NRG1: variants seen among roughly 807,000 people sequenced by gnomAD.
NRG1 encodes pro-neuregulin-1, membrane-bound isoform.
In NRG1, 18 loss-of-function variants were observed where a neutral mutation model predicts 63.8. The ratio of observed to expected loss-of-function variants is 0.28; its 90% CI spans 0.19 to 0.42. NRG1 has a LOEUF of 0.42. Among genes scored for constraint, NRG1 ranks in the 10% least tolerant of loss-of-function variants. NRG1 has a pLI of 1.00. For synonymous variants in NRG1, 302 were observed against 301.3 expected, an observed-to-expected ratio of 1.00 and a Z score of -0.02; for missense variants, 762 against 814.7, an observed-to-expected ratio of 0.94 and a Z score of 0.79.
intron 1 of NRG1, among the ~76,000 whole-genome samples, chr8:31,969,796 GTC>G (rs1806982819): frequency 6.6e-6 from 1 of 152,120 alleles, no homozygotes; most frequent in Non-Finnish European, 1.5e-5. Flanking sequence ...CCTTTAGGAT[GTC>G]TCTCTTATTT....
intron 1 of NRG1, among the ~76,000 whole-genome samples, chr8:32,338,621 T>G (rs183113406): frequency 4.7e-4 from 71 of 152,234 alleles, no homozygotes; most frequent in African/African-American, 1.7e-3. Context: ...TTGGAGAATC[T>G]TCATTCTCAA....
At chr8:32,206,343 T>C (rs913442593) in intron 1 of NRG1, among the ~76,000 whole-genome samples, 1 of 152,060 alleles carries the variant, frequency 6.6e-6, no homozygotes, top group Non-Finnish European at 1.5e-5. Flanking sequence ...TCATGGAGCC[T>C]ATGCCACTAA....
chr8:32,390,757 A>G (rs1811647843), intron 1 of NRG1, among the ~76,000 whole-genome samples: 1 of 152,256 alleles, frequency 6.6e-6, no homozygotes, highest in South Asian at 2.1e-4. Flanking sequence ...TATCTGTCCA[A>G]TGCCTTCCCT....
downstream of NRG1, among the ~76,000 whole-genome samples, chr8:32,772,353 A>G (rs1393199467): frequency 2.0e-5 from 3 of 152,024 alleles, no homozygotes; most frequent in Non-Finnish European, 2.9e-5. Context: ...AAACTCTGAT[A>G]TCAATCATCA....
At chr8:32,614,436 AGTTCCAAGGCAGGCTGTG>A in intron 3 of NRG1, 60 bp from the exon 4 acceptor site, 1 of 1,409,724 alleles carries the variant, frequency 7.1e-7, no homozygotes, top group East Asian at 2.3e-5. Flanking sequence ...CTTAACTTTT[AGTTCCAAGGCAGGCTGTG>A]GTACCTGCTC....
At chr8:32,194,822 AG>A (rs1842815133) in intron 1 of NRG1, among the ~76,000 whole-genome samples, 1 of 152,166 alleles carries the variant, frequency 6.6e-6, no homozygotes, top group Non-Finnish European at 1.5e-5. Flanking sequence ...TTTTGAATAA[AG>A]AGATTAATAC....
chr8:31,897,674 A>C (rs1005109185), intron 1 of NRG1, among the ~76,000 whole-genome samples: 1 of 152,048 alleles, frequency 6.6e-6, no homozygotes, highest in African/African-American at 2.4e-5. Context: ...CCTTCTATTC[A>C]TTCTAGGTCT....
intron 7 of NRG1, chr8:32,749,737 C>G: frequency 1.4e-6 from 1 of 713,150 alleles, no homozygotes; most frequent in East Asian, 2.6e-5. Context: ...TCTCTGCCTT[C>G]AATCTATGAT....
At chr8:32,171,780 G>A (rs1011463680) in intron 1 of NRG1, among the ~76,000 whole-genome samples, 3 of 152,072 alleles carry the variant, frequency 2.0e-5, no homozygotes, top group African/African-American at 7.2e-5. Flanking sequence ...AAACTGCCAG[G>A]CGGCAGTGAG....
At chr8:32,569,905 C>CTTTTTTTT (rs1209336043) in intron 1 of NRG1, among the ~76,000 whole-genome samples, 1 of 121,634 alleles carries the variant, frequency 8.2e-6, no homozygotes, top group African/African-American at 3.0e-5. Flanking sequence ...TGATAGTTAT[C>CTTTTTTTT]TTTTTTTTTT....
At chr8:32,351,322 ATG>A (rs1221494985) in intron 1 of NRG1, among the ~76,000 whole-genome samples, 2 of 152,122 alleles carry the variant, frequency 1.3e-5, no homozygotes, top group Non-Finnish European at 2.9e-5. Context: ...AAATGTACAG[ATG>A]TGTTTCAAAT....
chr8:32,699,892 G>A (rs989324462), intron 5 of NRG1, among the ~76,000 whole-genome samples: 38 of 152,006 alleles, frequency 2.5e-4, no homozygotes, highest in African/African-American at 7.0e-4. Flanking sequence ...TTAATAACTC[G>A]AATTATTTAT....
chr8:32,087,211 G>A (rs986018950), intron 1 of NRG1, among the ~76,000 whole-genome samples: 1 of 152,092 alleles, frequency 6.6e-6, no homozygotes, highest in Non-Finnish European at 1.5e-5. Context: ...ATTGGATCGT[G>A]GGGGCAGATC....
chr8:32,186,723 T>C (rs931180052), intron 1 of NRG1, among the ~76,000 whole-genome samples: 36 of 152,136 alleles, frequency 2.4e-4, no homozygotes, highest in African/African-American at 8.2e-4. Flanking sequence ...CTCTTGGAGA[T>C]TCAGAGGTAC....
intron 1 of NRG1, among the ~76,000 whole-genome samples, chr8:31,847,922 G>A (rs368244662): frequency 9.2e-5 from 14 of 152,280 alleles, no homozygotes; most frequent in African/African-American, 3.4e-4. Context: ...AAAGATGTTG[G>A]TAAGAGTAAA....
chr8:32,053,963 T>G (rs1249374874), intron 1 of NRG1, among the ~76,000 whole-genome samples: 2 of 152,230 alleles, frequency 1.3e-5, no homozygotes, highest in Non-Finnish European at 2.9e-5. Flanking sequence ...ACAGAAGTAG[T>G]ATTGGCTCAT....
chr8:32,470,956 C>T (rs1823772355), intron 1 of NRG1, among the ~76,000 whole-genome samples: 2 of 152,092 alleles, frequency 1.3e-5, no homozygotes, highest in Non-Finnish European at 1.5e-5. Context: ...TGCCATCATG[C>T]GTGGCTAATT....
At chr8:32,125,557 A>C (rs1234954225) in intron 1 of NRG1, among the ~76,000 whole-genome samples, 1 of 151,926 alleles carries the variant, frequency 6.6e-6, no homozygotes, top group African/African-American at 2.4e-5. Flanking sequence ...ACCACGAAAA[A>C]TCAATTCTAA....
intron 6 of NRG1, among the ~76,000 whole-genome samples, chr8:32,737,580 C>A (rs541779493): frequency 1.3e-4 from 19 of 151,576 alleles, no homozygotes; most frequent in African/African-American, 4.6e-4. Flanking sequence ...ATCTGGGAGT[C>A]CACAGAGGAG....
Sources: allele counts gnomAD v4.1 joint callset (sites outside exome capture counted in the v4.1 genomes callset), GRCh38; gene constraint gnomAD v4.1.1; transcripts MANE v1.5; gene names NCBI Gene and HGNC (gene_info 2026-07-23, HGNC 2026-07-21).